The following UNC13C variants were observed in gnomAD, a reference collection of about 807,000 sequenced individuals.
UNC13C encodes the protein unc-13 homolog C.
Under a neutral mutation model 245.4 loss-of-function variants are expected in UNC13C, and 174 were observed. The ratio of observed to expected loss-of-function variants is 0.71; its 90% CI spans 0.63 to 0.80. The LOEUF (loss-of-function observed/expected upper bound fraction) is 0.80, where lower values mean the gene tolerates loss of function less well. Among genes scored for constraint, UNC13C ranks in the 30% least tolerant of loss-of-function variants. The pLI, the probability that UNC13C is intolerant of heterozygous loss-of-function variation, is 0.00. For synonymous variants in UNC13C, 992 were observed against 895.1 expected (o/e 1.11, Z -1.93); for missense variants, 2,829 against 2,602.9 (o/e 1.09, Z -1.89).
At chr15:53,861,447 T>C in the UNC13C span, among the ~76,000 whole-genome samples, 3 of 134,662 alleles carry the variant, frequency 2.2e-5, no homozygotes, top group East Asian at 6.8e-4. Flanking sequence ...TTTGTTTTTT[T>C]ATAAGTTCAT....
intron 30 of UNC13C, among the ~76,000 whole-genome samples, chr15:54,606,534 C>T (rs1440627087): frequency 6.6e-6 from 1 of 152,166 alleles, no homozygotes; most frequent in South Asian, 2.1e-4. Flanking sequence ...AAGTGCATTA[C>T]ACAAACCCAG....
chr15:54,325,789 C>T (rs1333729213), intron 14 of UNC13C, among the ~76,000 whole-genome samples: 1 of 152,026 alleles, frequency 6.6e-6, no homozygotes, highest in East Asian at 1.9e-4. Flanking sequence ...AGGAAACAGA[C>T]TATTCTTTCA....
chr15:53,977,934 T>A (rs1046596571), upstream of UNC13C, among the ~76,000 whole-genome samples: 1 of 152,198 alleles, frequency 6.6e-6, no homozygotes, highest in Non-Finnish European at 1.5e-5. Flanking sequence ...AGGAATCACC[T>A]TCAAATGGTT....
At chr15:54,461,671 T>G (rs904925975) in intron 19 of UNC13C, among the ~76,000 whole-genome samples, 4 of 152,192 alleles carry the variant, frequency 2.6e-5, no homozygotes, top group Admixed American at 2.6e-4. Flanking sequence ...ATTGAGTCAT[T>G]GAGTAAATCA....
At chr15:54,573,849 T>C (rs1475096184) in intron 30 of UNC13C, among the ~76,000 whole-genome samples, 3 of 152,146 alleles carry the variant, frequency 2.0e-5, no homozygotes, top group Admixed American at 2.0e-4. Context: ...TAAATAGTAA[T>C]AGTGCTCAGT....
At chr15:54,140,124 A>T (rs1595901416) in intron 2 of UNC13C, among the ~76,000 whole-genome samples, 1 of 152,116 alleles carries the variant, frequency 6.6e-6, no homozygotes, top group Non-Finnish European at 1.5e-5. Context: ...CTTTTACAAA[A>T]TTTTAGATAT....
At position 54,626,923 on chromosome 15, in the gene UNC13C, CAG is replaced by C; in HGVS notation, c.6456_6457del (p.Val2153HisfsTer26). 1 of 1,613,370 alleles carries C rather than the reference CAG, an allele frequency of 6.2e-7. No homozygotes were observed. The highest frequency in any genetic ancestry group is 8.5e-7 in the Non-Finnish European group (1 of 1,179,580). On this transcript the variant is annotated frameshift_variant, in exon 33 of 33. Transcript: ENST00000260323. LOFTEE classifies it high-confidence loss of function. Reference sequence around the variant, plus strand: ...AGAGAAGATCGAATTATCGGAATGACAGTCATTCAGCTACAGAACATAGCAGA... The same window carrying C: ...AGAGAAGATCGAATTATCGGAATGACTCATTCAGCTACAGAACATAGCAGA...
chr15:54,243,166 G>A (rs867336615), intron 7 of UNC13C, among the ~76,000 whole-genome samples: 7 of 139,828 alleles, frequency 5.0e-5, no homozygotes, highest in African/African-American at 1.9e-4. Flanking sequence ...CCCATTGTGT[G>A]TTATTCCCCG....
At chr15:54,037,669 T>G (rs948204919) in intron 2 of UNC13C, among the ~76,000 whole-genome samples, 2 of 152,162 alleles carry the variant, frequency 1.3e-5, no homozygotes, top group African/African-American at 4.8e-5. Flanking sequence ...GGATGTGGTG[T>G]TCACTTATTA....
At chr15:54,133,759 T>G (rs1453798792) in intron 2 of UNC13C, among the ~76,000 whole-genome samples, 1 of 152,176 alleles carries the variant, frequency 6.6e-6, no homozygotes, top group East Asian at 1.9e-4. Flanking sequence ...TATATGTGTG[T>G]GTATTTACTA....
intron 30 of UNC13C, among the ~76,000 whole-genome samples, chr15:54,602,928 C>T (rs1017162694): frequency 9.1e-5 from 1 of 11,038 alleles, no homozygotes; most frequent in East Asian, 2.7e-3. Flanking sequence ...AAGTTGGCCT[C>T]TGTGTCTGGA....
intron 10 of UNC13C, among the ~76,000 whole-genome samples, chr15:54,274,956 C>T (rs1319532763): frequency 6.6e-6 from 1 of 152,022 alleles, no homozygotes; most frequent in Non-Finnish European, 1.5e-5. Context: ...AGGTGTGAGC[C>T]ACCACGCGCG....
At chr15:54,327,557 A>T (rs1172729243) in intron 14 of UNC13C, among the ~76,000 whole-genome samples, 1 of 152,122 alleles carries the variant, frequency 6.6e-6, no homozygotes, top group Non-Finnish European at 1.5e-5. Flanking sequence ...CAGCTGACAA[A>T]GTTAAACAGG....
chr15:54,499,976 T>C (rs79241491), intron 20 of UNC13C, 103 bp from the exon 21 acceptor site: 21,780 of 829,136 alleles, frequency 0.026, 623 homozygotes, highest in Admixed American at 0.13. Context: ...TGAAAGGAGA[T>C]TGTTGATTCT....
At chr15:54,103,843 C>G (rs775481779) in intron 2 of UNC13C, among the ~76,000 whole-genome samples, 1 of 152,176 alleles carries the variant, frequency 6.6e-6, no homozygotes, top group Non-Finnish European at 1.5e-5. Context: ...GTCCCGGGGT[C>G]AAATGATTCT....
At position 54,015,690 on chromosome 15, in the gene UNC13C, G is replaced by A. The variant is rs201464225; in HGVS notation, c.2787G>A (p.Met929Ile). 9.3e-6 allele frequency: 15 copies of A among 1,613,716 alleles called. No homozygotes were observed. The African/African-American group carries it at 1.3e-4, about 14-fold the overall frequency. ...GTTATGATGGTCCAGCAGATGATAT[G>A]GTTAGTGAAGAGGGGTTAGAACCCT... ...DEGYDGPADD[M>I]VSEEGLEPLN... is the part of the protein sequence containing the mutation. Residue 929 changes from methionine to isoleucine, a missense_variant, in exon 2 of 33, where the codon ATG (methionine) becomes ATA (isoleucine). Met to Ile is a conservative substitution (Grantham distance 10, BLOSUM62 1). Transcript: ENST00000260323.
intron 4 of UNC13C, among the ~76,000 whole-genome samples, chr15:54,154,728 G>A (rs986752759): frequency 2.0e-5 from 3 of 152,104 alleles, no homozygotes; most frequent in Non-Finnish European, 4.4e-5. Context: ...CTTCATACAC[G>A]CTGAATCTAG....
intron 2 of UNC13C, among the ~76,000 whole-genome samples, chr15:54,097,900 G>A (rs1208244672): frequency 5.3e-5 from 8 of 152,190 alleles, no homozygotes; most frequent in Non-Finnish European, 8.8e-5. Flanking sequence ...AGACTCTGGG[G>A]TTTTTAGAAA....
intron 18 of UNC13C, among the ~76,000 whole-genome samples, chr15:54,398,060 T>C (rs2040107253): frequency 6.6e-6 from 1 of 151,466 alleles, no homozygotes; most frequent in African/African-American, 2.4e-5. Context: ...TAGAGATTTT[T>C]ACCATTGAAT....
Sources: gnomAD v4.1 joint callset for allele counts (sites outside exome capture counted in the v4.1 genomes callset) on GRCh38, gnomAD v4.1.1 for gene constraint, MANE v1.5 for transcripts, NCBI Gene and HGNC (gene_info 2026-07-23, HGNC 2026-07-21) for gene names.